Variants in SLC9A9 observed in about 807,000 individuals in gnomAD.
SLC9A9 encodes solute carrier family 9 member A9.
SLC9A9 carries 62 observed loss-of-function variants against 77.8 expected under a neutral mutation model. The observed-to-expected ratio is 0.80, with a 90% CI of 0.65 to 0.98. The LOEUF (loss-of-function observed/expected upper bound fraction) is 0.98, where lower values mean the gene tolerates loss of function less well. Among genes scored for constraint, SLC9A9 ranks in the 50% least tolerant of loss-of-function variants. SLC9A9 has a pLI of 0.00. For synonymous variants in SLC9A9, 320 were observed against 283.5 expected (o/e 1.13, Z -1.29); for missense variants, 775 against 774.9 (o/e 1.00, Z 0.00).
At chr3:143,390,954 A>C (rs1021301901) in intron 12 of SLC9A9, among the ~76,000 whole-genome samples, 1 of 152,202 alleles carries the variant, frequency 6.6e-6, no homozygotes, top group Non-Finnish European at 1.5e-5. Context: ...GCGGCTGGGA[A>C]GCTTGAACTA....
chr3:143,511,141 C>A (rs1005192864), intron 9 of SLC9A9, among the ~76,000 whole-genome samples: 1 of 152,202 alleles, frequency 6.6e-6, no homozygotes, highest in Admixed American at 6.5e-5. Flanking sequence ...CCAGACACCA[C>A]AATGGATGCC....
At chr3:143,436,253 T>C (rs1225921335) in intron 12 of SLC9A9, among the ~76,000 whole-genome samples, 1 of 152,238 alleles carries the variant, frequency 6.6e-6, no homozygotes, top group African/African-American at 2.4e-5. Context: ...GTCCTACTGC[T>C]GGCAGGGTCA....
chr3:143,432,369 T>G (rs536375187), intron 12 of SLC9A9, among the ~76,000 whole-genome samples: 1 of 152,288 alleles, frequency 6.6e-6, no homozygotes, highest in East Asian at 1.9e-4. Flanking sequence ...CCCATTCCAG[T>G]TACCTCAACT....
chr3:143,503,738 C>A, intron 9 of SLC9A9: 1 of 358,104 alleles, frequency 2.8e-6, no homozygotes. Flanking sequence ...GCATTGATGG[C>A]ATGGATGTGG....
At chr3:143,515,908 C>A (rs76683407) in intron 9 of SLC9A9, among the ~76,000 whole-genome samples, 3,090 of 152,220 alleles carry the variant, frequency 0.02, 99 homozygotes, top group African/African-American at 0.069. Flanking sequence ...ATTTGAGGTG[C>A]ATTTCTCTTT....
intron 4 of SLC9A9, among the ~76,000 whole-genome samples, chr3:143,776,466 A>T (rs2007695637): frequency 6.6e-6 from 1 of 152,200 alleles, no homozygotes; most frequent in Admixed American, 6.5e-5. Context: ...GCAGGTTATG[A>T]AAACAAACTC....
intron 12 of SLC9A9, among the ~76,000 whole-genome samples, chr3:143,415,600 C>T (rs2034178137): frequency 6.6e-6 from 1 of 152,192 alleles, no homozygotes; most frequent in South Asian, 2.1e-4. Flanking sequence ...ATCTACTGCT[C>T]AGAAAAAGAT....
intron 4 of SLC9A9, among the ~76,000 whole-genome samples, chr3:143,755,138 A>G (rs2006878424): frequency 6.6e-6 from 1 of 152,128 alleles, no homozygotes; most frequent in Non-Finnish European, 1.5e-5. Flanking sequence ...CTTGCTAGGA[A>G]ATAGGTGTTT....
At chr3:143,272,033 T>G (rs1246553185) in intron 14 of SLC9A9, among the ~76,000 whole-genome samples, 1 of 152,190 alleles carries the variant, frequency 6.6e-6, no homozygotes, top group Non-Finnish European at 1.5e-5. Flanking sequence ...AGGGGCAGAT[T>G]ACAGCCAACA....
At chr3:143,745,016 T>A (rs551092319) in intron 4 of SLC9A9, among the ~76,000 whole-genome samples, 26 of 152,322 alleles carry the variant, frequency 1.7e-4, no homozygotes, top group African/African-American at 6.3e-4. Flanking sequence ...AACTTCACCA[T>A]CCTCTTTTGT....
At chr3:143,823,691 A>G (rs1211553794) in intron 2 of SLC9A9, among the ~76,000 whole-genome samples, 1 of 151,904 alleles carries the variant, frequency 6.6e-6, no homozygotes, top group African/African-American at 2.4e-5. Context: ...AAAATTAAAC[A>G]TTAAAAAAGA....
At chr3:143,723,019 C>T (rs114033464) in intron 4 of SLC9A9, among the ~76,000 whole-genome samples, 36 of 152,176 alleles carry the variant, frequency 2.4e-4, no homozygotes, top group African/African-American at 8.4e-4. Context: ...TGTCATTTTT[C>T]CCCTCAGTTT....
At chr3:143,665,851 A>C (rs1411375285) in intron 5 of SLC9A9, among the ~76,000 whole-genome samples, 1 of 152,210 alleles carries the variant, frequency 6.6e-6, no homozygotes, top group Non-Finnish European at 1.5e-5. Flanking sequence ...TAGCCTACCA[A>C]CCAAAAAAGT....
chr3:143,719,125 A>G (rs1407932466), intron 4 of SLC9A9, among the ~76,000 whole-genome samples: 2 of 152,210 alleles, frequency 1.3e-5, no homozygotes, highest in Admixed American at 6.5e-5. Flanking sequence ...CTTACTGAGA[A>G]GCTTTATCTG....
chr3:143,664,989 T>A (rs917778141), intron 5 of SLC9A9, among the ~76,000 whole-genome samples: 2 of 152,202 alleles, frequency 1.3e-5, no homozygotes, highest in African/African-American at 4.8e-5. Flanking sequence ...GTGGACCTAA[T>A]AGACATCTAC....
chr3:143,675,231 A>G (rs947337359), intron 5 of SLC9A9, among the ~76,000 whole-genome samples: 3 of 152,252 alleles, frequency 2.0e-5, no homozygotes, highest in African/African-American at 4.8e-5. Context: ...TGCCTTGTGC[A>G]TAGTAACAGG....
At chr3:143,445,592 G>A (rs914115063) in intron 12 of SLC9A9, among the ~76,000 whole-genome samples, 3 of 152,108 alleles carry the variant, frequency 2.0e-5, no homozygotes, top group Non-Finnish European at 2.9e-5. Context: ...GAGTCAAGCC[G>A]AGCTGAGCTG....
chr3:143,454,995 G>T (rs563540557), intron 12 of SLC9A9, among the ~76,000 whole-genome samples: 1 of 152,236 alleles, frequency 6.6e-6, no homozygotes, highest in Admixed American at 6.5e-5. Flanking sequence ...GCCTCACAAG[G>T]TAATCTTCCT....
At chr3:143,298,066 A>G (rs965507835) in intron 14 of SLC9A9, among the ~76,000 whole-genome samples, 16 of 152,224 alleles carry the variant, frequency 1.1e-4, no homozygotes, top group Non-Finnish European at 1.9e-4. Context: ...AAGGCAAAGA[A>G]TGGCTTTTTT....
Sources: allele counts gnomAD v4.1 joint callset (sites outside exome capture counted in the v4.1 genomes callset), GRCh38; gene constraint gnomAD v4.1.1; transcripts MANE v1.5; gene names NCBI Gene and HGNC (gene_info 2026-07-23, HGNC 2026-07-21).